The following NFIB variants were observed in gnomAD, a reference collection of about 807,000 sequenced individuals.
The protein encoded by NFIB is nuclear factor 1 B-type.
A neutral mutation model predicts 61.5 loss-of-function variants in NFIB; 11 were observed. The observed-to-expected ratio is 0.18, with a 90% CI of 0.11 to 0.30. NFIB has a LOEUF of 0.30. NFIB is among the 10% of genes least tolerant of loss of function. NFIB has a pLI of 1.00. For missense variants in NFIB, 471 were observed against 608.9 expected, an observed-to-expected ratio of 0.77 and a Z score of 2.38; for synonymous variants, 260 against 216.5, an observed-to-expected ratio of 1.20 and a Z score of -1.76.
At chr9:14,135,777 C>A (rs1196520317) in intron 6 of NFIB, among the ~76,000 whole-genome samples, 2 of 152,100 alleles carry the variant, frequency 1.3e-5, no homozygotes, top group Admixed American at 6.6e-5. Context: ...ATTTCTCAAC[C>A]ATTTTTTTTA....
At chr9:14,259,091 G>C (rs1216651483) in intron 2 of NFIB, among the ~76,000 whole-genome samples, 2 of 152,162 alleles carry the variant, frequency 1.3e-5, no homozygotes, top group African/African-American at 4.8e-5. Flanking sequence ...TAAGGCTCGT[G>C]AGAATCTCTT....
At chr9:14,457,574 G>C in the NFIB span, among the ~76,000 whole-genome samples, 1 of 72,526 alleles carries the variant, frequency 1.4e-5, no homozygotes, top group Non-Finnish European at 2.9e-5. Flanking sequence ...GAATCCAGGA[G>C]CTGGTTTTTT....
intron 2 of NFIB, among the ~76,000 whole-genome samples, chr9:14,217,582 C>T (rs1267864023): frequency 1.4e-5 from 2 of 144,396 alleles, no homozygotes; most frequent in Non-Finnish European, 3.0e-5. Flanking sequence ...ATCACTTGAA[C>T]CCAGGAAGTG....
At chr9:14,345,446 A>G (rs930856292) in intron 1 of NFIB, among the ~76,000 whole-genome samples, 5 of 152,142 alleles carry the variant, frequency 3.3e-5, no homozygotes, top group Non-Finnish European at 7.3e-5. Context: ...TCCCAGTGAA[A>G]TCTAGGGTAC....
At chr9:14,103,300 T>C (rs564550656) in intron 10 of NFIB, among the ~76,000 whole-genome samples, 80 of 149,640 alleles carry the variant, frequency 5.3e-4, no homozygotes, top group African/African-American at 1.9e-3. Context: ...TGAAAAGATA[T>C]ATTGCTTATT....
chr9:14,413,123 G>A, the NFIB span, among the ~76,000 whole-genome samples: 1 of 152,130 alleles, frequency 6.6e-6, no homozygotes, highest in South Asian at 2.1e-4. Context: ...CTCTCCATCT[G>A]TTGGATTTGT....
chr9:14,121,003 C>G (rs980153328), intron 7 of NFIB, among the ~76,000 whole-genome samples: 1 of 152,192 alleles, frequency 6.6e-6, no homozygotes, highest in Non-Finnish European at 1.5e-5. Flanking sequence ...TAGCTCACAC[C>G]TGTAATCCCA....
rs2060089768 is a variant in NFIB, at chr9:14,307,734, G to C, written c.31-214C>G. Among the ~76,000 whole-genome samples the C allele has an allele frequency of 6.6e-6, 1 of 152,006 alleles. No individual in the cohort carries two copies. The highest frequency in any genetic ancestry group is 1.5e-5 in the Non-Finnish European group (1 of 67,986). On this transcript the variant is annotated intron_variant, in intron 1 of 10. Coordinates refer to ENST00000380953, the MANE Select transcript of NFIB (RefSeq NM_001190737.2). The surrounding 1 kb of genome is among the most constrained non-coding windows in gnomAD (Gnocchi z 5.3). ...TGTCCCCTTTCCACCAAAATTCACA[G>C]GTCAATTCTCCCTCCTATAAAGGAA...
chr9:14,344,157 G>A (rs187583036), intron 1 of NFIB, among the ~76,000 whole-genome samples: 1 of 152,000 alleles, frequency 6.6e-6, no homozygotes, highest in African/African-American at 2.4e-5. Flanking sequence ...GCCTGAGACA[G>A]AGCGACATCA....
chr9:14,132,842 G>C (rs187431374), intron 6 of NFIB, among the ~76,000 whole-genome samples: 10 of 152,202 alleles, frequency 6.6e-5, no homozygotes, highest in African/African-American at 2.4e-4. Flanking sequence ...TGAGATTATA[G>C]GCTTGATTCA....
rs554613 is a variant in NFIB, at chr9:14,114,936, T to A, written c.1384+1272A>T. On this transcript the variant is annotated intron_variant, in intron 9 of 10. Transcript: ENST00000380953. ...AATGAGTACTTAGTGTTTTGGTGACTGTAATGCACATAGCAAACCTCTAGA... is the reference window on the plus strand; with the variant it reads ...AATGAGTACTTAGTGTTTTGGTGACAGTAATGCACATAGCAAACCTCTAGA... Among the ~76,000 whole-genome samples, 366 of 152,352 alleles carry A rather than the reference T, an allele frequency of 2.4e-3. 1 individual carries two copies. The highest frequency in any genetic ancestry group is 4.2e-3 in the Non-Finnish European group (287 of 68,026).
intron 2 of NFIB, among the ~76,000 whole-genome samples, chr9:14,257,388 A>C (rs1005953587): frequency 2.0e-5 from 3 of 152,186 alleles, no homozygotes; most frequent in African/African-American, 7.2e-5. Context: ...GGACCAGCAA[A>C]ACCCAGCATT....
At chr9:14,415,681 A>G in the NFIB span, among the ~76,000 whole-genome samples, 7 of 152,238 alleles carry the variant, frequency 4.6e-5, no homozygotes, top group African/African-American at 1.7e-4. Flanking sequence ...AGTAGAAAGA[A>G]CTGCATTTAA....
intron 4 of NFIB, among the ~76,000 whole-genome samples, chr9:14,151,065 T>C (rs1015723263): frequency 2.0e-5 from 3 of 152,172 alleles, no homozygotes; most frequent in African/African-American, 7.2e-5. Flanking sequence ...TTAAACTCCC[T>C]CTGTATTATA....
chr9:14,195,627 C>G (rs1235407726), intron 2 of NFIB, among the ~76,000 whole-genome samples: 3 of 152,224 alleles, frequency 2.0e-5, no homozygotes, highest in East Asian at 1.9e-4. Flanking sequence ...CAGACCAAAT[C>G]TGAATTTGGA....
the NFIB span, among the ~76,000 whole-genome samples, chr9:14,530,404 A>AAGAGAGAGGGAGAGAGAGAG: frequency 3.5e-5 from 5 of 141,532 alleles, no homozygotes; most frequent in Non-Finnish European, 6.1e-5. Context: ...GGTGAGGGGA[A>AAGAGAGAGGGAGAGAGAGAG]AGAGAGAGGG....
intron 4 of NFIB, among the ~76,000 whole-genome samples, chr9:14,154,349 C>G (rs1444231931): frequency 1.3e-5 from 2 of 152,108 alleles, no homozygotes; most frequent in Non-Finnish European, 2.9e-5. Flanking sequence ...AGCCTCCTAA[C>G]TGGAGCACCA....
At chr9:14,154,110 C>T (rs2043138685) in intron 4 of NFIB, among the ~76,000 whole-genome samples, 1 of 152,036 alleles carries the variant, frequency 6.6e-6, no homozygotes, top group Non-Finnish European at 1.5e-5. Context: ...AGATAATTTT[C>T]ATCTTTGTTT....
chr9:14,146,707 A>G lies in NFIB; in HGVS notation c.907T>C (p.Trp303Arg). 1.2e-6 allele frequency: 2 copies of G among 1,612,874 alleles called. No individual in the cohort carries two copies. The highest frequency in any genetic ancestry group is 1.3e-5 in the African/African-American group (1 of 74,974). Reference protein sequence around the residue: ...PSSPAAGSRTWHERDQDMSSP... With the variant: ...PSSPAAGSRTRHERDQDMSSP... The stretch of plus-strand genomic sequence containing the variant: ...TACTCACCTTGATCTCTTTCGTGCC[A>G]TGTTCGACTTCCAGCAGCTGGTGAA... The change falls in exon 6 of 11, where the codon TGG (tryptophan) becomes CGG (arginine). Residue 303 changes from tryptophan to arginine, a missense_variant. Physicochemically the swap from Trp to Arg is moderately radical, Grantham distance 101 (BLOSUM62 -3). Coordinates refer to ENST00000380953, the MANE Select transcript of NFIB (RefSeq NM_001190737.2).
Sources: allele counts gnomAD v4.1 joint callset (sites outside exome capture counted in the v4.1 genomes callset), GRCh38; gene constraint gnomAD v4.1.1; non-coding constraint Gnocchi (gnomAD v3.1); transcripts MANE v1.5; gene names NCBI Gene and HGNC (gene_info 2026-07-23, HGNC 2026-07-21).